Variants in GNB4 observed in about 807,000 individuals in gnomAD.
GNB4 encodes the protein guanine nucleotide-binding protein subunit beta-4.
GNB4 carries 28 observed loss-of-function variants against 45.2 expected under a neutral mutation model. That is an observed-to-expected ratio of 0.62 (90% CI 0.46 to 0.85). The LOEUF (loss-of-function observed/expected upper bound fraction) is 0.85. GNB4 is among the 40% of genes least tolerant of loss of function. The pLI is 0.00. For synonymous variants in GNB4, 132 were observed against 143.7 expected (o/e 0.92, Z 0.58); for missense variants, 321 against 425.4 (o/e 0.75, Z 2.16).
At chr3:179,515,443 T>G in the GNB4 span, among the ~76,000 whole-genome samples, 1 of 152,108 alleles carries the variant, frequency 6.6e-6, no homozygotes, top group East Asian at 1.9e-4. Flanking sequence ...GTTATAGGAT[T>G]TGGGTAGGTA....
At chr3:179,502,040 A>G in the GNB4 span, among the ~76,000 whole-genome samples, 1 of 152,192 alleles carries the variant, frequency 6.6e-6, no homozygotes, top group Non-Finnish European at 1.5e-5. Flanking sequence ...TACGTCATTG[A>G]TATTTCAGTG....
the GNB4 span, among the ~76,000 whole-genome samples, chr3:179,477,227 G>A: frequency 1.3e-5 from 2 of 152,146 alleles, no homozygotes; most frequent in Non-Finnish European, 2.9e-5. Flanking sequence ...TACAAGGTCA[G>A]CCTGAAGTTT....
At chr3:179,490,591 A>G in the GNB4 span, among the ~76,000 whole-genome samples, 4 of 152,196 alleles carry the variant, frequency 2.6e-5, no homozygotes, top group Admixed American at 6.5e-5. Context: ...CTGGAGGGCT[A>G]CTGGTATAAG....
intron 8 of GNB4, 112 bp downstream of exon 8, chr3:179,413,274 TTATGACTTGGAGATTCAAAGTTATAA>T: frequency 3.0e-6 from 2 of 667,862 alleles, no homozygotes; most frequent in Non-Finnish European, 5.2e-6. Flanking sequence ...TCAAAAACCC[TTATGACTTGGAGATTCAAAGTTATAA>T]GAGCACATTA....
the GNB4 span, among the ~76,000 whole-genome samples, chr3:179,516,318 A>T: frequency 6.6e-6 from 1 of 152,232 alleles, no homozygotes; most frequent in African/African-American, 2.4e-5. Context: ...GGGAAGGCCA[A>T]ACCTAAGAAT....
intron 4 of GNB4, among the ~76,000 whole-genome samples, chr3:179,418,716 T>A (rs1714885963): frequency 6.6e-6 from 1 of 152,214 alleles, no homozygotes; most frequent in Non-Finnish European, 1.5e-5. Flanking sequence ...TTTAGGCATT[T>A]CCCATTAAGA....
At chr3:179,517,770 A>C in the GNB4 span, among the ~76,000 whole-genome samples, 10 of 152,174 alleles carry the variant, frequency 6.6e-5, no homozygotes, top group African/African-American at 2.4e-4. Context: ...GACCAAGGAG[A>C]CACGTTTTAT....
chr3:179,523,107 C>A, the GNB4 span, among the ~76,000 whole-genome samples: 1 of 148,708 alleles, frequency 6.7e-6, no homozygotes, highest in African/African-American at 2.4e-5. Flanking sequence ...TGTGGAAGTA[C>A]CTAACCATGC....
chr3:179,502,228 C>CTTTTTTTTTTTTTTT, the GNB4 span, among the ~76,000 whole-genome samples: 33 of 73,460 alleles, frequency 4.5e-4, no homozygotes, highest in Non-Finnish European at 5.3e-4. Context: ...TTTTTCTTTT[C>CTTTTTTTTTTTTTTT]TTTTTTTTTT....
chr3:179,440,160 T>C (rs899155649), intron 1 of GNB4, among the ~76,000 whole-genome samples: 4 of 152,146 alleles, frequency 2.6e-5, no homozygotes, highest in African/African-American at 9.7e-5. Context: ...TCAGGTGTTA[T>C]CTTCTCTTTC....
chr3:179,500,102 CA>C, the GNB4 span, among the ~76,000 whole-genome samples: 1 of 152,164 alleles, frequency 6.6e-6, no homozygotes, highest in Non-Finnish European at 1.5e-5. Context: ...TCCTATTTGT[CA>C]ATTTTGGCTT....
chr3:179,414,982 A>G lies in GNB4; in HGVS notation c.333T>C (p.Tyr111=). The change falls in exon 6 of 10, where the codon TAT becomes TAC. Residue 111 remains tyrosine (Y), a synonymous_variant. Coordinates refer to ENST00000232564, the MANE Select transcript of GNB4 (RefSeq NM_021629.4). The part of the protein sequence containing the change: ...MTCAYAPSGN[Y]VACGGLDNIC... ...TGTTGTCCAAGCCTCCACAGGCAAC[A>G]TAATTACCAGAGGGAGCATAAGCAC... is the stretch of plus-strand genomic sequence containing the variant. 6.2e-7 allele frequency: 1 copy of G among 1,612,522 alleles called. No homozygotes were observed. Among genetic ancestry groups the G allele is most frequent in the Non-Finnish European group, 8.5e-7 (1 of 1,178,896 alleles).
At chr3:179,479,718 C>G in the GNB4 span, among the ~76,000 whole-genome samples, 1 of 152,106 alleles carries the variant, frequency 6.6e-6, no homozygotes, top group Admixed American at 6.6e-5. Flanking sequence ...TAAGTGCAAA[C>G]GTGTAAGAGC....
Position 179,426,161 on chromosome 3 carries a change from G to C in GNB4, c.40C>G (p.Leu14Val). Residue 14 changes from leucine to valine, a missense_variant, in exon 2 of 10, where the codon CTG (leucine) becomes GTG (valine). Physicochemically the swap from Leu to Val is conservative, Grantham distance 32 (BLOSUM62 1). Coordinates refer to ENST00000232564, the MANE Select transcript of GNB4 (RefSeq NM_021629.4). The part of the protein sequence containing the change: ...LEQLRQEAEQ[L>V]RNQIQDARKA... ...GGTTTTACCTGAATCTGATTCCGCA[G>C]TTGTTCTGCTTCTTGCCTCAACTGT... The C allele has an allele frequency of 6.2e-7, 1 of 1,604,254 alleles. No homozygotes were observed. Among genetic ancestry groups the C allele is most frequent in the Non-Finnish European group, 8.5e-7 (1 of 1,177,808 alleles).
chr3:179,421,885 T>C (rs1714991543), intron 2 of GNB4, among the ~76,000 whole-genome samples: 1 of 152,232 alleles, frequency 6.6e-6, no homozygotes, highest in African/African-American at 2.4e-5. Context: ...TAGCCCACTT[T>C]CCTATAATGA....
At chr3:179,510,618 T>C in the GNB4 span, among the ~76,000 whole-genome samples, 1 of 151,814 alleles carries the variant, frequency 6.6e-6, no homozygotes, top group African/African-American at 2.4e-5. Context: ...TTTTTTTACA[T>C]TTCTCATGTA....
At chr3:179,442,078 A>G (rs1448696692) in intron 1 of GNB4, among the ~76,000 whole-genome samples, 1 of 152,182 alleles carries the variant, frequency 6.6e-6, no homozygotes, top group Non-Finnish European at 1.5e-5. Flanking sequence ...AAGTGCTGGG[A>G]TTACAGGCGT....
chr3:179,454,203 A>G (rs545189439), upstream of GNB4, among the ~76,000 whole-genome samples: 11 of 152,214 alleles, frequency 7.2e-5, no homozygotes, highest in Non-Finnish European at 1.3e-4. Context: ...CATTAGGCCC[A>G]TGTTCTCAAA....
At chr3:179,515,354 A>T in the GNB4 span, among the ~76,000 whole-genome samples, 1 of 152,260 alleles carries the variant, frequency 6.6e-6, no homozygotes, top group Admixed American at 6.5e-5. Flanking sequence ...TGTGTGAGCA[A>T]CAAGGCTGTT....
Sources: gnomAD v4.1 joint callset for allele counts (sites outside exome capture counted in the v4.1 genomes callset) on GRCh38, gnomAD v4.1.1 for gene constraint, MANE v1.5 for transcripts, NCBI Gene and HGNC (gene_info 2026-07-23, HGNC 2026-07-21) for gene names.